The following SEMA5A variants were observed in gnomAD, a reference collection of about 807,000 sequenced individuals.
The protein encoded by SEMA5A is semaphorin-5A.
In SEMA5A, 55 loss-of-function variants were observed where a neutral mutation model predicts 135.5. That is an observed-to-expected ratio of 0.41 (90% CI 0.33 to 0.51). The LOEUF is 0.51. Ranked by LOEUF, SEMA5A falls within the 20% of genes least tolerant of loss-of-function variation. The pLI is 0.37. For missense variants in SEMA5A, 1,290 were observed against 1,419.9 expected, an observed-to-expected ratio of 0.91 and a Z score of 1.47; for synonymous variants, 580 against 546.5, an observed-to-expected ratio of 1.06 and a Z score of -0.85.
At chr5:9,264,934 A>C (rs1749602894) in intron 5 of SEMA5A, among the ~76,000 whole-genome samples, 1 of 152,174 alleles carries the variant, frequency 6.6e-6, no homozygotes, top group Admixed American at 6.5e-5. Flanking sequence ...TTCTTTACCT[A>C]CTAAGTACAT....
chr5:9,372,494 T>C (rs568145951), intron 3 of SEMA5A, among the ~76,000 whole-genome samples: 14 of 152,042 alleles, frequency 9.2e-5, no homozygotes, highest in Admixed American at 9.2e-4. Context: ...TGCCTAGAAC[T>C]GTGGACACAC....
At chr5:9,532,629 GA>G (rs1210279947) in intron 1 of SEMA5A, among the ~76,000 whole-genome samples, 1 of 152,162 alleles carries the variant, frequency 6.6e-6, no homozygotes, top group South Asian at 2.1e-4. Flanking sequence ...TAGACATGGG[GA>G]AATGTAAATA....
chr5:9,086,704 A>G (rs1437135824), intron 16 of SEMA5A, among the ~76,000 whole-genome samples: 1 of 152,240 alleles, frequency 6.6e-6, no homozygotes, highest in African/African-American at 2.4e-5. Flanking sequence ...TGCAAGCAGA[A>G]TAAATGTGTT....
At chr5:9,272,071 G>C (rs1259392441) in intron 5 of SEMA5A, among the ~76,000 whole-genome samples, 4 of 152,070 alleles carry the variant, frequency 2.6e-5, no homozygotes, top group African/African-American at 9.7e-5. Flanking sequence ...GTCTGGCTTG[G>C]CAGGTTTCAA....
At chr5:9,504,878 C>T (rs540377483) in intron 1 of SEMA5A, among the ~76,000 whole-genome samples, 2 of 152,352 alleles carry the variant, frequency 1.3e-5, no homozygotes, top group Admixed American at 1.3e-4. Flanking sequence ...TATGTTATAT[C>T]CTCATTTTTC....
At chr5:9,264,046 C>T (rs1024214635) in intron 5 of SEMA5A, among the ~76,000 whole-genome samples, 8 of 152,110 alleles carry the variant, frequency 5.3e-5, no homozygotes, top group African/African-American at 1.9e-4. Context: ...TATGTGCCTA[C>T]CTTCTTTTTA....
At chr5:9,402,367 A>G (rs1230909704) in intron 2 of SEMA5A, among the ~76,000 whole-genome samples, 1 of 152,248 alleles carries the variant, frequency 6.6e-6, no homozygotes, top group Non-Finnish European at 1.5e-5. Context: ...TGACTATTCT[A>G]TAGGCCCTTT....
chr5:9,390,963 C>T (rs1756134154), intron 2 of SEMA5A: 1 of 152,138 alleles, frequency 6.6e-6, no homozygotes, highest in South Asian at 2.1e-4. Flanking sequence ...CAAGGAGGTC[C>T]CATTTCCAAA....
chr5:9,081,589 A>G (rs1039411080), intron 16 of SEMA5A, among the ~76,000 whole-genome samples: 2 of 152,110 alleles, frequency 1.3e-5, no homozygotes, highest in African/African-American at 2.4e-5. Flanking sequence ...AAAGATGACC[A>G]TTACTTATTA....
chr5:9,497,764 T>C (rs922003360), intron 1 of SEMA5A, among the ~76,000 whole-genome samples: 1 of 152,240 alleles, frequency 6.6e-6, no homozygotes, highest in Non-Finnish European at 1.5e-5. Context: ...GGCTCAGCCA[T>C]GAAGCTATTG....
chr5:9,037,713 A>G lies in SEMA5A; in HGVS notation c.*5184T>C, dbSNP rs1488265238. 6.6e-6 allele frequency: 1 copy of G among 152,198 alleles called. No homozygotes were observed. Among genetic ancestry groups the G allele is most frequent in the African/African-American group, 2.4e-5 (1 of 41,444 alleles). 9.4% of individuals were successfully genotyped at this position (152,198 alleles called of 1,614,324 possible). On this transcript the variant is annotated 3_prime_UTR_variant, in exon 23 of 23. Transcript: ENST00000382496. ...TTTCCTTTGCTTTATTAGGTTAACAAGCAAGGATTAAAGCAACTTATTTTC... is the reference window on the plus strand; with the variant it reads ...TTTCCTTTGCTTTATTAGGTTAACAGGCAAGGATTAAAGCAACTTATTTTC...
intron 2 of SEMA5A, among the ~76,000 whole-genome samples, chr5:9,385,568 T>A (rs1447824062): frequency 6.6e-6 from 1 of 152,152 alleles, no homozygotes; most frequent in African/African-American, 2.4e-5. Context: ...AGAGACTTGC[T>A]TTGGCAAAAG....
intron 5 of SEMA5A, among the ~76,000 whole-genome samples, chr5:9,246,770 T>C (rs551155119): frequency 6.6e-6 from 1 of 152,274 alleles, no homozygotes; most frequent in Admixed American, 6.5e-5. Context: ...CTGTAAAACC[T>C]TGACCAACAC....
At chr5:9,294,533 A>G (rs1431768036) in intron 5 of SEMA5A, among the ~76,000 whole-genome samples, 1 of 152,098 alleles carries the variant, frequency 6.6e-6, no homozygotes, top group Non-Finnish European at 1.5e-5. Flanking sequence ...GCTGAACTCT[A>G]CACTTGGAAT....
chr5:9,273,222 C>A (rs555245573), intron 5 of SEMA5A, among the ~76,000 whole-genome samples: 1 of 151,878 alleles, frequency 6.6e-6, no homozygotes, highest in African/African-American at 2.4e-5. Flanking sequence ...ATCAATTAAG[C>A]AGAAGAAAGG....
At chr5:9,386,449 C>T in intron 2 of SEMA5A, among the ~76,000 whole-genome samples, 1 of 152,230 alleles carries the variant, frequency 6.6e-6, no homozygotes, top group East Asian at 1.9e-4. Flanking sequence ...ACTCACACTG[C>T]AAGACCTTCC....
At chr5:9,471,538 G>C (rs1175058798) in intron 1 of SEMA5A, among the ~76,000 whole-genome samples, 2 of 152,144 alleles carry the variant, frequency 1.3e-5, no homozygotes, top group Non-Finnish European at 2.9e-5. Context: ...AGGAATGCTT[G>C]ATTTAAGACT....
chr5:9,404,473 G>T (rs1756798191), intron 2 of SEMA5A, among the ~76,000 whole-genome samples: 1 of 152,174 alleles, frequency 6.6e-6, no homozygotes, highest in Non-Finnish European at 1.5e-5. Context: ...CCATATCGCA[G>T]CCTGGGTGCC....
chr5:9,461,920 C>T lies in SEMA5A; in HGVS notation c.-174-24068G>A, dbSNP rs185831415. On this transcript the variant is annotated intron_variant, in intron 1 of 22. Transcript: ENST00000382496. ...GACTTCCACTCTGTCCTATAATCTC[C>T]AAGTTAGCCTTTCTAGCCAGAAAAA... Among the ~76,000 whole-genome samples, 149 of 152,290 alleles carry T rather than the reference C, an allele frequency of 9.8e-4. 1 individual carries two copies. Among genetic ancestry groups the T allele is most frequent in the Non-Finnish European group, 1.7e-3 (118 of 68,014 alleles).
Sources: allele counts gnomAD v4.1 joint callset (sites outside exome capture counted in the v4.1 genomes callset), GRCh38; gene constraint gnomAD v4.1.1; transcripts MANE v1.5; gene names NCBI Gene and HGNC (gene_info 2026-07-23, HGNC 2026-07-21).